RCL1: variants seen among roughly 807,000 people sequenced by gnomAD.
The protein encoded by RCL1 is RNA 3'-terminal phosphate cyclase-like protein.
Under a neutral mutation model 42.4 loss-of-function variants are expected in RCL1, and 24 were observed. The ratio of observed to expected loss-of-function variants is 0.57; its 90% CI spans 0.41 to 0.80. The LOEUF is 0.80. Ranked by LOEUF, RCL1 falls within the 30% of genes least tolerant of loss-of-function variation. The pLI, the probability that RCL1 is intolerant of heterozygous loss-of-function variation, is 0.00. For missense variants in RCL1, 578 were observed against 467.9 expected (o/e 1.24, Z -2.17); for synonymous variants, 228 against 177.3 (o/e 1.29, Z -2.27).
intron 8 of RCL1, among the ~76,000 whole-genome samples, chr9:4,857,953 G>A (rs892666020): frequency 3.5e-5 from 1 of 28,206 alleles, no homozygotes; most frequent in Non-Finnish European, 6.5e-5. Flanking sequence ...TTTTTTTTCA[G>A]TGAGTCTTAC....
At chr9:4,813,257 G>A (rs201861229) in intron 1 of RCL1, among the ~76,000 whole-genome samples, 2 of 152,142 alleles carry the variant, frequency 1.3e-5, no homozygotes, top group Non-Finnish European at 2.9e-5. Context: ...GCAACCTACA[G>A]AATGGGAGAA....
chr9:4,827,250 G>A, intron 3 of RCL1: 2 of 1,477,782 alleles, frequency 1.4e-6, no homozygotes, highest in East Asian at 2.5e-5. Context: ...TTACCAAGGT[G>A]CCTTTTGTTG....
At chr9:4,835,211 A>G (rs1434448231) in intron 5 of RCL1, among the ~76,000 whole-genome samples, 2 of 152,232 alleles carry the variant, frequency 1.3e-5, no homozygotes, top group African/African-American at 4.8e-5. Context: ...ATCAGATACT[A>G]TGCAGAACGC....
chr9:4,812,250 A>G (rs1816206720), intron 1 of RCL1, among the ~76,000 whole-genome samples: 1 of 152,032 alleles, frequency 6.6e-6, no homozygotes, highest in South Asian at 2.1e-4. Context: ...TCTCCAGAAA[A>G]TGTTTGCCCA....
chr9:4,831,142 C>T (rs1816928376), intron 3 of RCL1, among the ~76,000 whole-genome samples: 1 of 152,134 alleles, frequency 6.6e-6, no homozygotes, highest in Non-Finnish European at 1.5e-5. Flanking sequence ...TGCCCTTGTC[C>T]CACCGCACCA....
chr9:4,858,227 G>A (rs1403555413), intron 8 of RCL1, among the ~76,000 whole-genome samples: 1 of 152,038 alleles, frequency 6.6e-6, no homozygotes, highest in Non-Finnish European at 1.5e-5. Context: ...AGTTGTAAGA[G>A]TTGTTTATAT....
chr9:4,842,650 A>G (rs924390061), intron 6 of RCL1, among the ~76,000 whole-genome samples: 2 of 152,240 alleles, frequency 1.3e-5, no homozygotes, highest in Non-Finnish European at 2.9e-5. Context: ...CATATAAGCC[A>G]TTAATACCTT....
In RCL1 at chr9:4,844,656, G is replaced by T; in HGVS notation, c.842G>T (p.Arg281Leu). The T allele has an allele frequency of 6.2e-7, 1 of 1,613,522 alleles. No homozygotes were observed. The highest frequency in any genetic ancestry group is 8.5e-7 in the Non-Finnish European group (1 of 1,179,874). Residue 281 changes from arginine (R) to leucine (L), a missense_variant, in exon 7 of 9, where the codon CGG becomes CTG. Coordinates refer to ENST00000381750, the MANE Select transcript of RCL1 (RefSeq NM_005772.5). ...LPEDLGRNCARLLLEEIYRGG... is the reference protein window; with the variant it reads ...LPEDLGRNCALLLLEEIYRGG... The stretch of plus-strand genomic sequence containing the variant: ...GAGGACCTTGGCAGGAACTGTGCCC[G>T]GCTGCTGCTGGAGGAAATCTACAGG...
chr9:4,815,539 G>A (rs568787392), intron 1 of RCL1, among the ~76,000 whole-genome samples: 3 of 152,016 alleles, frequency 2.0e-5, no homozygotes, highest in South Asian at 4.2e-4. Flanking sequence ...GGTAGGTGGA[G>A]TGGCTCCATC....
At position 4,833,375 on chromosome 9, in the gene RCL1, C is replaced by G. The variant is rs190434396; in HGVS notation, c.459+147C>G. 3.7e-3 allele frequency: 2,440 copies of G among 654,978 alleles called. 13 individuals are homozygous for G. The highest frequency in any genetic ancestry group is 5.5e-3 in the Non-Finnish European group (1,970 of 360,938). 40.6% of individuals were successfully genotyped at this position (654,978 alleles called of 1,614,324 possible). A position where few individuals can be genotyped will look rare whatever the true frequency, so the allele number is the denominator to read the frequency against. Reference sequence around the variant, plus strand: ...ACTCACAGGGCTCATGAAATAAACACTACAGACTTTGAACTGAAAGGGACC... The same window carrying G: ...ACTCACAGGGCTCATGAAATAAACAGTACAGACTTTGAACTGAAAGGGACC... On this transcript the variant is annotated intron_variant, in intron 4 of 8. Transcript: ENST00000381750.
chr9:4,820,760 G>A (rs1386499453), intron 1 of RCL1, among the ~76,000 whole-genome samples: 7 of 152,152 alleles, frequency 4.6e-5, no homozygotes, highest in Non-Finnish European at 7.4e-5. Context: ...TGGCATTGTG[G>A]TAGAGATTGT....
At chr9:4,825,501 G>A (rs1023733240) in intron 2 of RCL1, among the ~76,000 whole-genome samples, 1 of 152,130 alleles carries the variant, frequency 6.6e-6, no homozygotes, top group African/African-American at 2.4e-5. Context: ...GGTCCTGATT[G>A]TGATTGTTTG....
At chr9:4,823,846 CTT>C (rs1816671162) in intron 2 of RCL1, among the ~76,000 whole-genome samples, 1 of 151,956 alleles carries the variant, frequency 6.6e-6, no homozygotes, top group Non-Finnish European at 1.5e-5. Context: ...CACCATATAA[CTT>C]TGGAGTTATA....
chr9:4,800,985 G>A (rs1842991320), intron 1 of RCL1, among the ~76,000 whole-genome samples: 1 of 152,116 alleles, frequency 6.6e-6, no homozygotes, highest in South Asian at 2.1e-4. Context: ...TATCTGTAGT[G>A]TATGAGGGAT....
intron 1 of RCL1, among the ~76,000 whole-genome samples, chr9:4,810,023 G>T (rs534983665): frequency 2.0e-5 from 3 of 152,210 alleles, no homozygotes; most frequent in Admixed American, 2.0e-4. Flanking sequence ...CACCATGTTG[G>T]CCAGGCTGGT....
At chr9:4,856,229 G>T (rs565401101) in intron 8 of RCL1, among the ~76,000 whole-genome samples, 1 of 152,188 alleles carries the variant, frequency 6.6e-6, no homozygotes, top group African/African-American at 2.4e-5. Flanking sequence ...TGGGGGAGAT[G>T]GTGGGATGGA....
chr9:4,812,989 T>C (rs1816233753), intron 1 of RCL1, among the ~76,000 whole-genome samples: 1 of 152,178 alleles, frequency 6.6e-6, no homozygotes, highest in African/African-American at 2.4e-5. Context: ...GAGTTTTCTA[T>C]ATATAAGATC....
At chr9:4,819,308 C>G (rs759035553) in intron 1 of RCL1, among the ~76,000 whole-genome samples, 7 of 152,168 alleles carry the variant, frequency 4.6e-5, no homozygotes, top group Non-Finnish European at 7.3e-5. Context: ...GAATCCAATG[C>G]CATCACTGAT....
In RCL1 at chr9:4,823,540, C is replaced by T; in HGVS notation, c.137-8C>T. The T allele has an allele frequency of 6.2e-7, 1 of 1,604,504 alleles. No homozygotes were observed. Among genetic ancestry groups the T allele is most frequent in the East Asian group, 2.2e-5 (1 of 44,596 alleles). On this transcript the variant is annotated splice_region_variant and splice_polypyrimidine_tract_variant and intron_variant, in intron 1 of 8. Transcript: ENST00000381750. ...TCTCTTTTCTTCACAGATTTTTTTT[C>T]TTCACAGATTTTGAAGCCAGCTTCA...
Sources: allele counts gnomAD v4.1 joint callset (sites outside exome capture counted in the v4.1 genomes callset), GRCh38; gene constraint gnomAD v4.1.1; transcripts MANE v1.5; gene names NCBI Gene and HGNC (gene_info 2026-07-23, HGNC 2026-07-21).